Variants in GRM1 observed in about 807,000 individuals in gnomAD.
GRM1 encodes metabotropic glutamate receptor 1.
Under a neutral mutation model 90.9 loss-of-function variants are expected in GRM1, and 33 were observed. The ratio of observed to expected loss-of-function variants is 0.36; its 90% confidence interval spans 0.28 to 0.49. GRM1 has a LOEUF of 0.49. Ranked by LOEUF, GRM1 falls within the 20% of genes least tolerant of loss-of-function variation. The pLI is 0.99. For synonymous variants in GRM1, 700 were observed against 613.2 expected, an observed-to-expected ratio of 1.14 and a Z score of -2.09; for missense variants, 1,190 against 1,534.3, an observed-to-expected ratio of 0.78 and a Z score of 3.75.
At chr6:146,210,822 G>T (rs1779665491) in intron 2 of GRM1, among the ~76,000 whole-genome samples, 1 of 152,142 alleles carries the variant, frequency 6.6e-6, no homozygotes, top group Non-Finnish European at 1.5e-5. Flanking sequence ...TGCAGGGGTT[G>T]CTTGCATGGC....
At chr6:146,370,056 C>A (rs1187391479) in intron 5 of GRM1, among the ~76,000 whole-genome samples, 1 of 151,966 alleles carries the variant, frequency 6.6e-6, no homozygotes, top group Non-Finnish European at 1.5e-5. Flanking sequence ...GTTGAATTGA[C>A]CCCTTTATCA....
At chr6:146,342,979 T>C (rs1785036198) in intron 3 of GRM1, among the ~76,000 whole-genome samples, 1 of 152,198 alleles carries the variant, frequency 6.6e-6, no homozygotes, top group Admixed American at 6.5e-5. Context: ...TCTTTTTTTT[T>C]TCCTTTTTCT....
At chr6:146,207,872 G>C (rs1258420337) in intron 2 of GRM1, among the ~76,000 whole-genome samples, 1 of 152,156 alleles carries the variant, frequency 6.6e-6, no homozygotes, top group Non-Finnish European at 1.5e-5. Context: ...TATTTTCCCT[G>C]AAGAGTTGTT....
At chr6:146,124,418 T>C (rs1776118632) in intron 1 of GRM1, among the ~76,000 whole-genome samples, 1 of 152,170 alleles carries the variant, frequency 6.6e-6, no homozygotes, top group Non-Finnish European at 1.5e-5. Flanking sequence ...TCTAAATTCA[T>C]TAAATATTTA....
intron 4 of GRM1, among the ~76,000 whole-genome samples, chr6:146,353,666 G>C (rs1286337688): frequency 6.6e-6 from 1 of 152,154 alleles, no homozygotes; most frequent in Non-Finnish European, 1.5e-5. Context: ...GTCTCACTCT[G>C]TTGCCCAGGC....
intron 1 of GRM1, among the ~76,000 whole-genome samples, chr6:146,133,074 C>A (rs1018763273): frequency 6.6e-6 from 1 of 152,162 alleles, no homozygotes; most frequent in Non-Finnish European, 1.5e-5. Flanking sequence ...TGAAATGAGT[C>A]AGAGACATTG....
chr6:146,295,388 TA>T (rs1440883953), intron 2 of GRM1, among the ~76,000 whole-genome samples: 1 of 94,928 alleles, frequency 1.1e-5, no homozygotes, highest in Non-Finnish European at 2.1e-5. Flanking sequence ...CATGCCCGGC[TA>T]ATTTTTTTTT....
In GRM1 at chr6:146,324,454, T is replaced by TA. The variant is rs565142773; in HGVS notation, c.1186+19616dup. On this transcript the variant is annotated intron_variant, in intron 3 of 7. Coordinates refer to ENST00000282753, the MANE Select transcript of GRM1 (RefSeq NM_001278064.2). The stretch of plus-strand genomic sequence containing the variant: ...CCACTGGGGAAAAAAAATAAAAAAT[T>TA]AAAAAAAATAAATAAAATTTAAAAA... Among the ~76,000 whole-genome samples the TA allele has an allele frequency of 4.1e-3, 617 of 151,632 alleles. 5 individuals carry two copies. The highest frequency in any genetic ancestry group is 0.013 in the African/African-American group (548 of 41,326).
chr6:146,034,145 G>T (rs184023389), intron 1 of GRM1, among the ~76,000 whole-genome samples: 2 of 151,948 alleles, frequency 1.3e-5, no homozygotes, highest in Non-Finnish European at 2.9e-5. Context: ...GGAGTATATC[G>T]GAGTTAAATT....
intron 3 of GRM1, among the ~76,000 whole-genome samples, chr6:146,329,251 C>T (rs1427852305): frequency 1.3e-5 from 2 of 152,206 alleles, no homozygotes; most frequent in African/African-American, 4.8e-5. Context: ...TGACATTGAG[C>T]ATCCCTCAGA....
chr6:146,118,683 C>A (rs902962201), intron 1 of GRM1, among the ~76,000 whole-genome samples: 1 of 152,196 alleles, frequency 6.6e-6, no homozygotes, highest in Non-Finnish European at 1.5e-5. Context: ...TGAGTGAGAA[C>A]ATGCGGTGCA....
chr6:146,314,863 A>T (rs1322299401), intron 3 of GRM1, among the ~76,000 whole-genome samples: 1 of 152,160 alleles, frequency 6.6e-6, no homozygotes, highest in Non-Finnish European at 1.5e-5. Flanking sequence ...ATTAGCTACT[A>T]TGGAATCAAG....
intron 2 of GRM1, among the ~76,000 whole-genome samples, chr6:146,241,755 A>G (rs1025649737): frequency 2.0e-5 from 3 of 152,162 alleles, no homozygotes; most frequent in Non-Finnish European, 4.4e-5. Context: ...CCTACTCAGT[A>G]TCTTCATCCC....
intron 1 of GRM1, among the ~76,000 whole-genome samples, chr6:146,049,943 A>G (rs1187398797): frequency 6.6e-6 from 1 of 151,986 alleles, no homozygotes; most frequent in African/African-American, 2.4e-5. Flanking sequence ...TGGCAGACGC[A>G]GGGTTCAAAC....
intron 1 of GRM1, among the ~76,000 whole-genome samples, chr6:146,122,089 G>A (rs1469478619): frequency 1.3e-5 from 2 of 152,092 alleles, no homozygotes; most frequent in Non-Finnish European, 2.9e-5. Flanking sequence ...AGGTCTCTAA[G>A]GACTTGCTTC....
At chr6:146,166,489 G>T (rs1047364131) in intron 2 of GRM1, among the ~76,000 whole-genome samples, 1 of 152,022 alleles carries the variant, frequency 6.6e-6, no homozygotes, top group Non-Finnish European at 1.5e-5. Flanking sequence ...CAAGGTTTTT[G>T]TCTTAAACTA....
intron 2 of GRM1, among the ~76,000 whole-genome samples, chr6:146,190,483 C>T (rs888627033): frequency 1.3e-4 from 19 of 151,994 alleles, no homozygotes; most frequent in Non-Finnish European, 2.9e-5. Context: ...GTAGAAAGTA[C>T]ACGAGGCGAT....
intron 2 of GRM1, among the ~76,000 whole-genome samples, chr6:146,286,673 A>C (rs1782775857): frequency 6.6e-6 from 1 of 152,222 alleles, no homozygotes; most frequent in African/African-American, 2.4e-5. Flanking sequence ...ATAAGTGAAC[A>C]ATTGGAAAGC....
At chr6:146,149,915 A>T (rs1015516608) in intron 1 of GRM1, among the ~76,000 whole-genome samples, 1 of 152,064 alleles carries the variant, frequency 6.6e-6, no homozygotes, top group Non-Finnish European at 1.5e-5. Context: ...TCCTTCACTG[A>T]CCTTGAATAT....
Sources: gnomAD v4.1 joint callset for allele counts (sites outside exome capture counted in the v4.1 genomes callset) on GRCh38, gnomAD v4.1.1 for gene constraint, MANE v1.5 for transcripts, NCBI Gene and HGNC (gene_info 2026-07-23, HGNC 2026-07-21) for gene names.